AFDN: variants seen among roughly 807,000 people sequenced by gnomAD.
AFDN encodes the protein afadin.
A neutral mutation model predicts 216.6 loss-of-function variants in AFDN; 68 were observed. The observed-to-expected ratio is 0.31, with a 90% CI of 0.26 to 0.38. AFDN has a LOEUF of 0.38. AFDN is among the 10% of genes least tolerant of loss of function. AFDN has a pLI of 1.00. For missense variants in AFDN, 2,136 were observed against 2,342.0 expected, an observed-to-expected ratio of 0.91 and a Z score of 1.82; for synonymous variants, 868 against 853.7, an observed-to-expected ratio of 1.02 and a Z score of -0.29.
At chr6:167,937,778 T>C (rs1794191261) in intron 23 of AFDN, among the ~76,000 whole-genome samples, 1 of 152,230 alleles carries the variant, frequency 6.6e-6, no homozygotes, top group African/African-American at 2.4e-5. Flanking sequence ...GTATCTATCT[T>C]TCTAAACTAG....
chr6:167,905,582 A>G (rs953656213), intron 12 of AFDN, among the ~76,000 whole-genome samples: 3 of 152,100 alleles, frequency 2.0e-5, no homozygotes, highest in African/African-American at 7.3e-5. Flanking sequence ...ACAATTGGAT[A>G]TATTTGTCTC....
intron 2 of AFDN, among the ~76,000 whole-genome samples, chr6:167,866,294 C>T (rs1263071204): frequency 6.6e-6 from 1 of 152,148 alleles, no homozygotes; most frequent in Non-Finnish European, 1.5e-5. Flanking sequence ...TCCCCACTCC[C>T]TCAGGTACCC....
chr6:167,967,767 C>T (rs1029325313), intron 32 of AFDN, among the ~76,000 whole-genome samples: 7 of 152,118 alleles, frequency 4.6e-5, no homozygotes, highest in East Asian at 1.9e-4. Flanking sequence ...TGTACAGAGC[C>T]GTCTGCACCG....
intron 32 of AFDN, 107 bp downstream of exon 32, chr6:167,966,152 CT>C: frequency 4.6e-6 from 7 of 1,535,026 alleles, no homozygotes; most frequent in Non-Finnish European, 5.2e-6. Context: ...CCGATGGCGT[CT>C]TTCTCTCCAA....
intron 9 of AFDN, among the ~76,000 whole-genome samples, chr6:167,895,025 T>C (rs1788061352): frequency 6.6e-6 from 1 of 152,252 alleles, no homozygotes; most frequent in South Asian, 2.1e-4. Context: ...TTCAGTTTTC[T>C]TTATTTTTAT....
intron 23 of AFDN, among the ~76,000 whole-genome samples, chr6:167,932,387 G>A (rs540750833): frequency 9.8e-5 from 15 of 152,316 alleles, no homozygotes; most frequent in African/African-American, 3.6e-4. Context: ...GGGACGGTCA[G>A]CAGGCTACTT....
Position 167,951,737 on chromosome 6 carries a change from T to G in AFDN, c.4383T>G (p.Phe1461Leu), listed in dbSNP as rs891876024. The change falls in exon 30 of 34, where the codon TTT becomes TTG. Residue 1461 changes from phenylalanine (F) to leucine (L), a missense_variant. Phe to Leu is a conservative substitution (Grantham distance 22). Transcript: ENST00000683244. This position sits in a 1 kb window ranked among gnomAD's most constrained non-coding sequence, Gnocchi z 7.1. ...CTCAGTCCTTAAACCCTGCTCCGTT[T>G]TCTCCCCTGACTGCACAGCAGATGA... ...MRTQSLNPAP[F>L]SPLTAQQMKP... 1.2e-6 allele frequency: 2 copies of G among 1,613,986 alleles called. No individual in the cohort carries two copies. Among genetic ancestry groups the G allele is most frequent in the Admixed American group, 1.7e-5 (1 of 60,002 alleles).
intron 13 of AFDN, 145 bp downstream of exon 13, chr6:167,907,434 G>T: frequency 1.6e-6 from 1 of 635,392 alleles, no homozygotes. Flanking sequence ...TCCTTTCTGT[G>T]TTATTGAATT....
chr6:167,965,145 G>GT (rs1797409040), intron 31 of AFDN: 6 of 805,482 alleles, frequency 7.4e-6, no homozygotes, highest in Non-Finnish European at 9.0e-6. Context: ...GGGAGAATGA[G>GT]TGTTTTTTTT....
chr6:167,831,897 A>G (rs1329332158), intron 1 of AFDN, among the ~76,000 whole-genome samples: 3 of 152,258 alleles, frequency 2.0e-5, no homozygotes, highest in Non-Finnish European at 4.4e-5. Flanking sequence ...AATGTCAGAC[A>G]GTGTGTACTA....
At chr6:167,830,437 A>G (rs1779699253) in intron 1 of AFDN, among the ~76,000 whole-genome samples, 1 of 152,240 alleles carries the variant, frequency 6.6e-6, no homozygotes, top group Non-Finnish European at 1.5e-5. Flanking sequence ...TTCATTGTAT[A>G]TACCTTTATT....
intron 1 of AFDN, among the ~76,000 whole-genome samples, chr6:167,853,623 A>G (rs1050190969): frequency 6.6e-6 from 1 of 152,006 alleles, no homozygotes; most frequent in Non-Finnish European, 1.5e-5. Context: ...CTTTGCTTCC[A>G]TCTTGATTAT....
At chr6:167,913,588 T>C in intron 16 of AFDN, 165 bp downstream of exon 16, 1 of 595,430 alleles carries the variant, frequency 1.7e-6, no homozygotes, top group Non-Finnish European at 2.9e-6. Flanking sequence ...GTGCAACCTT[T>C]ATCGGCATTT....
intron 29 of AFDN, among the ~76,000 whole-genome samples, chr6:167,949,779 C>T (rs561302985): frequency 6.6e-6 from 1 of 152,282 alleles, no homozygotes; most frequent in East Asian, 1.9e-4. Context: ...TTTTTATGCA[C>T]AGTATTTCCT....
chr6:167,887,677 C>T (rs564036945), intron 6 of AFDN, among the ~76,000 whole-genome samples: 5 of 152,206 alleles, frequency 3.3e-5, no homozygotes, highest in Non-Finnish European at 4.4e-5. Context: ...AGGCTGGTGT[C>T]GAACTCCTGA....
chr6:167,836,959 A>G lies in AFDN; in HGVS notation c.105+9722A>G, dbSNP rs1031240429. On this transcript the variant is annotated intron_variant, in intron 1 of 33. Transcript: ENST00000683244. ...ACTGAATTTAATGTTTATGACCTCG[A>G]ATATTTAAAAATGTGTTTTTAATTT... Among the ~76,000 whole-genome samples, 3 of 152,352 alleles carry G rather than the reference A, an allele frequency of 2.0e-5. No individual in the cohort carries two copies. The South Asian group carries it at 6.2e-4, about 32-fold the overall frequency.
At chr6:167,948,507 T>C (rs763870254) in intron 29 of AFDN, 29 bp downstream of exon 29, 64 of 1,597,966 alleles carry the variant, frequency 4.0e-5, no homozygotes, top group Non-Finnish European at 4.2e-5. Context: ...CACACACTTT[T>C]CTCACCTCTC....
chr6:167,893,425 G>A (rs773307776), intron 8 of AFDN, among the ~76,000 whole-genome samples: 2 of 152,206 alleles, frequency 1.3e-5, no homozygotes, highest in Non-Finnish European at 2.9e-5. Context: ...GTTCTGCTGG[G>A]TGTGGTTAGG....
At chr6:167,928,741 G>A (rs1792894034) in intron 23 of AFDN, among the ~76,000 whole-genome samples, 1 of 152,176 alleles carries the variant, frequency 6.6e-6, no homozygotes, top group Non-Finnish European at 1.5e-5. Context: ...TTTGCTTCTT[G>A]TTTTTAGATC....
Sources: gnomAD v4.1 joint callset for allele counts (sites outside exome capture counted in the v4.1 genomes callset) on GRCh38, gnomAD v4.1.1 for gene constraint, Gnocchi (gnomAD v3.1) non-coding constraint, MANE v1.5 for transcripts, NCBI Gene and HGNC (gene_info 2026-07-23, HGNC 2026-07-21) for gene names.